Variants in NLRX1 observed in about 807,000 individuals in gnomAD.
NLRX1 encodes the protein NLR family member X1, also known as NOD-like receptor X1.
In NLRX1, 67 loss-of-function variants were observed where a neutral mutation model predicts 74.2. That is an observed-to-expected ratio of 0.90 (90% CI 0.74 to 1.11). NLRX1 has a LOEUF of 1.11. Among genes scored for constraint, NLRX1 ranks in the 50% least tolerant of loss-of-function variants. The pLI is 0.00. For missense variants in NLRX1, 1,191 were observed against 1,305.4 expected, an observed-to-expected ratio of 0.91 and a Z score of 1.35; for synonymous variants, 506 against 559.1, an observed-to-expected ratio of 0.91 and a Z score of 1.34.
Position 119,181,219 on chromosome 11 carries a change from C to T in NLRX1, c.2316C>T (p.Asp772=). Residue 772 remains aspartate (D), a synonymous_variant, in exon 8 of 10, where the codon GAC becomes GAT. Transcript: ENST00000409109. ...LGPEACKDLR[D]LLLHDQCQIT... is the part of the protein sequence containing the mutation. ...CTGAGGCCTGCAAGGACCTCCGAGA[C>T]CTGTTGCTGCATGACCAGTGCCAAA... The T allele has an allele frequency of 6.2e-7, 1 of 1,613,960 alleles. No homozygotes were observed. The highest frequency in any genetic ancestry group is 8.5e-7 in the Non-Finnish European group (1 of 1,179,978).
rs115115179 is a variant in NLRX1, at chr11:119,172,102, A to G, written c.71-254A>G. Among the ~76,000 whole-genome samples, 1,301 of 152,378 alleles carry G rather than the reference A, an allele frequency of 8.5e-3. 20 individuals carry two copies. Among genetic ancestry groups the G allele is most frequent in the African/African-American group, 0.03 (1,229 of 41,590 alleles). On this transcript the variant is annotated intron_variant, in intron 2 of 9. Transcript: ENST00000409109. ...GCAGACCTGGTGTTAAGTTCTAAGT[A>G]AATAATTGTGAACAAAAACAGACGT...
At position 119,179,831 on chromosome 11, in the gene NLRX1, G is replaced by A. The variant is rs777008803; in HGVS notation, c.1810G>A (p.Val604Met). The change falls in exon 7 of 10, where the codon GTG becomes ATG. Residue 604 changes from valine to methionine, a missense_variant. Transcript: ENST00000409109. ...LDQMGASILGVEGPRRHPDEP... is the reference protein window; with the variant it reads ...LDQMGASILGMEGPRRHPDEP... Reference sequence around the variant, plus strand: ...CCAGATGGGCGCCAGTATCCTGGGCGTGGAGGGCCCCCGGCGCCACCCAGA... The same window carrying A: ...CCAGATGGGCGCCAGTATCCTGGGCATGGAGGGCCCCCGGCGCCACCCAGA... 110 of 1,613,952 alleles carry A rather than the reference G, an allele frequency of 6.8e-5. No individual in the cohort carries two copies. The highest frequency in any genetic ancestry group is 8.6e-5 in the Non-Finnish European group (101 of 1,180,010).
intron 6 of NLRX1, among the ~76,000 whole-genome samples, chr11:119,177,583 G>A (rs1481164595): frequency 6.7e-6 from 1 of 150,362 alleles, no homozygotes; most frequent in East Asian, 2.0e-4. Context: ...AGCTGAGATC[G>A]CGCCACTGTA....
chr11:119,175,192 G>T lies in NLRX1; in HGVS notation c.1589G>T (p.Gly530Val), dbSNP rs925339913. 2 of 1,614,092 alleles carry T rather than the reference G, an allele frequency of 1.2e-6. No homozygotes were observed. The highest frequency in any genetic ancestry group is 1.6e-4 in the Middle Eastern group (1 of 6,084). Residue 530 changes from glycine to valine, a missense_variant, in exon 6 of 10, where the codon GGG becomes GTG. Gly to Val is a moderately radical substitution (Grantham distance 109). Transcript: ENST00000409109. ...GTGGCTGAGCTCGTGGGCCGTGTTG[G>T]GGAGGACGTCAGCCTGGTACTGGGC... ...KEVAELVGRV[G>V]EDVSLVLGIM...
In NLRX1 at chr11:119,174,660, A is replaced by T; in HGVS notation, c.1057A>T (p.Met353Leu). ...TPAQRDHLVQMLSRNLEGHHQ... is the reference protein window; with the variant it reads ...TPAQRDHLVQLLSRNLEGHHQ... ...AGCTCAGCGTGACCACCTGGTGCAG[A>T]TGCTCTCCCGGAACCTGGAGGGGCA... The change falls in exon 6 of 10, where the codon ATG becomes TTG. Residue 353 changes from methionine to leucine, a missense_variant. Coordinates refer to ENST00000409109, the MANE Select transcript of NLRX1 (RefSeq NM_001282144.2). The T allele has an allele frequency of 6.2e-7, 1 of 1,613,986 alleles. No homozygotes were observed. Among genetic ancestry groups the T allele is most frequent in the Non-Finnish European group, 8.5e-7 (1 of 1,180,022 alleles).
Position 119,173,398 on chromosome 11 carries a change from A to C in NLRX1, c.230-81A>C. 1 of 1,470,640 alleles carries C rather than the reference A, an allele frequency of 6.8e-7. No individual in the cohort carries two copies. Among genetic ancestry groups the C allele is most frequent in the Non-Finnish European group, 9.2e-7 (1 of 1,083,534 alleles). 91.1% of individuals were successfully genotyped at this position (1,470,640 alleles called of 1,614,324 possible). A position where few individuals can be genotyped will look rare whatever the true frequency, so the allele number is the denominator to read the frequency against. On this transcript the variant is annotated intron_variant, in intron 4 of 9. Coordinates refer to ENST00000409109, the MANE Select transcript of NLRX1 (RefSeq NM_001282144.2). This position sits in a 1 kb window ranked among gnomAD's most constrained non-coding sequence, Gnocchi z 4.0. ...ATCTATGCCGTGATGTCCCAGCCTG[A>C]CCTCACCACCGCCCTGATTGGCCCT... is the stretch of plus-strand genomic sequence containing the variant.
intron 6 of NLRX1, among the ~76,000 whole-genome samples, chr11:119,178,308 T>C (rs1948747819): frequency 6.6e-6 from 1 of 152,164 alleles, no homozygotes. Context: ...GGGGAAGATA[T>C]CACAAACCCC....
chr11:119,171,144 A>G (rs915494626), intron 1 of NLRX1, among the ~76,000 whole-genome samples: 3 of 152,146 alleles, frequency 2.0e-5, no homozygotes, highest in Non-Finnish European at 4.4e-5. Flanking sequence ...AGAAAAAAGA[A>G]AAAAAAGGTG....
rs771894803 is a variant in NLRX1, at chr11:119,175,113, C to T, written c.1510C>T (p.Leu504Phe). The change falls in exon 6 of 10, where the codon CTC (leucine) becomes TTC (phenylalanine). Residue 504 changes from leucine to phenylalanine, a missense_variant. Coordinates refer to ENST00000409109, the MANE Select transcript of NLRX1 (RefSeq NM_001282144.2). ...VPAMQEYLAALYIVLGLRKTT... is the reference protein window; with the variant it reads ...VPAMQEYLAAFYIVLGLRKTT... The stretch of plus-strand genomic sequence containing the variant: ...CGCCATGCAGGAATACCTGGCTGCC[C>T]TCTACATTGTGCTGGGTTTGCGCAA... 2 of 1,614,158 alleles carry T rather than the reference C, an allele frequency of 1.2e-6. No homozygotes were observed. The highest frequency in any genetic ancestry group is 1.7e-6 in the Non-Finnish European group (2 of 1,180,030).
chr11:119,175,032 T>C lies in NLRX1; in HGVS notation c.1429T>C (p.Phe477Leu), dbSNP rs376559297. 107 of 1,614,042 alleles carry C rather than the reference T, an allele frequency of 6.6e-5. No homozygotes were observed. Among genetic ancestry groups the C allele is most frequent in the Non-Finnish European group, 8.8e-5 (104 of 1,180,050 alleles). The change falls in exon 6 of 10, where the codon TTC becomes CTC. Residue 477 changes from phenylalanine to leucine, a missense_variant. Transcript: ENST00000409109. Reference protein sequence around the residue: ...HIFRRDALRFFLAPCVEPGRA... With the variant: ...HIFRRDALRFLLAPCVEPGRA... ...CTTCCGTCGGGATGCCCTGAGGTTT[T>C]TCCTGGCCCCATGTGTGGAGCCAGG... is the stretch of plus-strand genomic sequence containing the variant.
At chr11:119,179,062 G>A (rs1031338293) in intron 6 of NLRX1, among the ~76,000 whole-genome samples, 2 of 152,184 alleles carry the variant, frequency 1.3e-5, no homozygotes, top group African/African-American at 4.8e-5. Context: ...ATAGCGAGTG[G>A]GGCCAAGAGG....
rs559237442 is a variant in NLRX1 at position 119,179,621 on chromosome 11, C to A, written c.1672-72C>A. On this transcript the variant is annotated intron_variant, in intron 6 of 9. Coordinates refer to ENST00000409109, the MANE Select transcript of NLRX1 (RefSeq NM_001282144.2). Reference sequence around the variant, plus strand: ...GGGCTGGAGCAGTCATGGGAGTGTACCTTAAGCTGAACCTTGAAGGCTGAA... The same window carrying A: ...GGGCTGGAGCAGTCATGGGAGTGTAACTTAAGCTGAACCTTGAAGGCTGAA... 8 of 1,189,762 alleles carry A rather than the reference C, an allele frequency of 6.7e-6. No individual in the cohort carries two copies. The Admixed American group carries it at 8.8e-5, about 13-fold the overall frequency. The allele number at this position is 1,189,762 out of a possible 1,614,324, so 73.7% of individuals were successfully genotyped here. A position where few individuals can be genotyped will look rare whatever the true frequency, so the allele number is the denominator to read the frequency against.
Position 119,174,433 on chromosome 11 carries a change from C to T in NLRX1, c.850-20C>T. On this transcript the variant is annotated intron_variant, in intron 5 of 9. Transcript: ENST00000409109. Reference sequence around the variant, plus strand: ...CAGGACACTAAGGTCTTTCTTAACTCTCAACCATGCTCTTCCCAGGCCAGC... The same window carrying T: ...CAGGACACTAAGGTCTTTCTTAACTTTCAACCATGCTCTTCCCAGGCCAGC... 7 of 1,605,334 alleles carry T rather than the reference C, an allele frequency of 4.4e-6. No homozygotes were observed. The highest frequency in any genetic ancestry group is 6.0e-6 in the Non-Finnish European group (7 of 1,174,770).
Position 119,180,432 on chromosome 11 carries a change from C to A in NLRX1, c.2267+144C>A, listed in dbSNP as rs995773161. ...AGAAGTCTAGTTTAGGGGCCGGGAGCAGTGGCTCACACCTGTAATCCCAGC... is the reference window on the plus strand; with the variant it reads ...AGAAGTCTAGTTTAGGGGCCGGGAGAAGTGGCTCACACCTGTAATCCCAGC... On this transcript the variant is annotated intron_variant, in intron 7 of 9. Coordinates refer to ENST00000409109, the MANE Select transcript of NLRX1 (RefSeq NM_001282144.2). The A allele has an allele frequency of 9.4e-5, 64 of 683,332 alleles. No individual in the cohort carries two copies. The African/African-American group carries it at 1.1e-3, about 12-fold the overall frequency. The allele number at this position is 683,332 out of a possible 1,614,324, so 42.3% of individuals were successfully genotyped here.
rs376539941 is a variant in NLRX1 at position 119,182,236 on chromosome 11, C to T, written c.2497C>T (p.Arg833Cys). ...GGAGCTGCTGGCTGCCCAGCTGGAC[C>T]GCAACCGGCAGCTGCAGGAGCTGAA... Reference protein sequence around the residue: ...GLELLAAQLDRNRQLQELNVA... With the variant: ...GLELLAAQLDCNRQLQELNVA... Residue 833 changes from arginine to cysteine, a missense_variant, in exon 9 of 10, where the codon CGC becomes TGC. Arg to Cys is a radical substitution (Grantham distance 180, BLOSUM62 -3). Transcript: ENST00000409109. 19 of 1,613,836 alleles carry T rather than the reference C, an allele frequency of 1.2e-5. No individual in the cohort carries two copies. Among genetic ancestry groups the T allele is most frequent in the Middle Eastern group, 3.3e-4 (2 of 6,056 alleles).
chr11:119,173,022 G>T lies in NLRX1; in HGVS notation c.229+33G>T, dbSNP rs769595923. The T allele has an allele frequency of 1.9e-6, 3 of 1,565,482 alleles. No individual in the cohort carries two copies. Among genetic ancestry groups the T allele is most frequent in the African/African-American group, 1.4e-5 (1 of 73,772 alleles). ...GACTGGCTGGGACCCTGGTCAGGGG[G>T]TGTGGTGGGCAGACGGGGCTGGAAG... On this transcript the variant is annotated intron_variant, in intron 4 of 9. Transcript: ENST00000409109. The surrounding 1 kb of genome is among the most constrained non-coding windows in gnomAD (Gnocchi z 4.0).
rs1215598061 is a variant in NLRX1 at position 119,183,781 on chromosome 11, G to T, written c.*342G>T. 2.6e-6 allele frequency: 2 copies of T among 780,522 alleles called. No homozygotes were observed. The highest frequency in any genetic ancestry group is 3.4e-5 in the African/African-American group (2 of 59,142). 48.3% of individuals were successfully genotyped at this position (780,522 alleles called of 1,614,324 possible). Reference sequence around the variant, plus strand: ...CCCTCCTCTCAAAGAGCCTCTGACTGTGTCACCAAGGGGCTCACATCTTAT... The same window carrying T: ...CCCTCCTCTCAAAGAGCCTCTGACTTTGTCACCAAGGGGCTCACATCTTAT... On this transcript the variant is annotated 3_prime_UTR_variant, in exon 10 of 10. Transcript: ENST00000409109. This position sits in a 1 kb window ranked among gnomAD's most constrained non-coding sequence, Gnocchi z 5.7.
In NLRX1 at chr11:119,179,927, C is replaced by T. The variant is rs200102650; in HGVS notation, c.1906C>T (p.Arg636Ter). ...GGGGGGGCTTCTCTCTGCCCACAACCGAGCTGTGCTAGCTCAGCTTGGCTG... is the reference window on the plus strand; with the variant it reads ...GGGGGGGCTTCTCTCTGCCCACAACTGAGCTGTGCTAGCTCAGCTTGGCTG... ...FMGGLLSAHN[R>*]AVLAQLGCPI... Residue 636 changes from arginine to a stop codon, truncating the protein, a stop_gained, in exon 7 of 10, where the codon CGA becomes TGA. Coordinates refer to ENST00000409109, the MANE Select transcript of NLRX1 (RefSeq NM_001282144.2). LOFTEE classifies it high-confidence loss of function. The T allele has an allele frequency of 2.2e-5, 36 of 1,611,706 alleles. No individual in the cohort carries two copies. Among genetic ancestry groups the T allele is most frequent in the South Asian group, 1.5e-4 (14 of 91,018 alleles).
chr11:119,172,899 A>G lies in NLRX1; in HGVS notation c.141-2A>G. The G allele has an allele frequency of 6.2e-7, 1 of 1,612,804 alleles. No homozygotes were observed. Among genetic ancestry groups the G allele is most frequent in the South Asian group, 1.1e-5 (1 of 91,066 alleles). On this transcript the variant is annotated splice_acceptor_variant, in intron 3 of 9. Transcript: ENST00000409109. LOFTEE classifies it high-confidence loss of function. ...CAGCTCATCCCCTCTCCTTGTTCCC[A>G]GGGCCTTTATACGCCACCACGGAAG...
Sources: allele counts gnomAD v4.1 joint callset (sites outside exome capture counted in the v4.1 genomes callset), GRCh38; gene constraint gnomAD v4.1.1; non-coding constraint Gnocchi (gnomAD v3.1); transcripts MANE v1.5; gene names NCBI Gene and HGNC (gene_info 2026-07-23, HGNC 2026-07-21).